The following EXOSC1 variants were observed in gnomAD, a reference collection of about 807,000 sequenced individuals.
EXOSC1 encodes the protein exosome complex component CSL4.
A neutral mutation model predicts 31.4 loss-of-function variants in EXOSC1; 27 were observed. The ratio of observed to expected loss-of-function variants is 0.86; its 90% CI spans 0.63 to 1.18. The LOEUF is 1.18. EXOSC1 is among the 50% of genes most tolerant of loss of function. EXOSC1 has a pLI of 0.00. For synonymous variants in EXOSC1, 84 were observed against 89.5 expected, an observed-to-expected ratio of 0.94 and a Z score of 0.35; for missense variants, 228 against 250.3, an observed-to-expected ratio of 0.91 and a Z score of 0.60.
chr10:97,445,426 G>C (rs1845912515), intron 2 of EXOSC1: 1 of 369,382 alleles, frequency 2.7e-6, no homozygotes, highest in Non-Finnish European at 5.0e-6. Context: ...GGAAAGGTAA[G>C]CAACATTCAT....
chr10:97,443,337 A>C, intron 2 of EXOSC1, 26 bp from the exon 3 acceptor site: 1 of 1,605,776 alleles, frequency 6.2e-7, no homozygotes, highest in Non-Finnish European at 8.5e-7. Flanking sequence ...CAAAAAACTG[A>C]AATGTCCTGA....
Position 97,440,867 on chromosome 10 carries a change from GTCTCAAACTCCTGA to G in EXOSC1, c.311+290_311+303del, listed in dbSNP as rs1589464845. ...GGGTTTCACCATGTTGGCTAGGCTG[GTCTCAAACTCCTGA>G]TCTCAAGAGATCCACCCGCCTCAGC... On this transcript the variant is annotated intron_variant, in intron 4 of 7. Transcript: ENST00000370902. 1.4e-5 allele frequency: 3 copies of G among 212,188 alleles called. No individual in the cohort carries two copies. In the East Asian group the frequency reaches 3.9e-4, roughly 27 times the overall value. 13.1% of individuals were successfully genotyped at this position (212,188 alleles called of 1,614,324 possible).
In EXOSC1 at chr10:97,436,268, CAA is replaced by C. The variant is rs1383332158; in HGVS notation, c.*175_*176del. 4.6e-5 allele frequency: 25 copies of C among 546,790 alleles called. No homozygotes were observed. Among genetic ancestry groups the C allele is most frequent in the African/African-American group, 3.6e-4 (18 of 50,070 alleles). The allele number at this position is 546,790 out of a possible 1,614,324, so 33.9% of individuals were successfully genotyped here. A position where few individuals can be genotyped will look rare whatever the true frequency, so the allele number is the denominator to read the frequency against. On this transcript the variant is annotated 3_prime_UTR_variant, in exon 8 of 8. Coordinates refer to ENST00000370902, the MANE Select transcript of EXOSC1 (RefSeq NM_016046.5). ...CCTTGAAAAGATAAGATTTATTACT[CAA>C]GAGAATGAAATCCACTGATAGGTTC... is the stretch of plus-strand genomic sequence containing the variant.
intron 3 of EXOSC1, 58 bp downstream of exon 3, chr10:97,443,179 T>C (rs903583070): frequency 1.4e-5 from 20 of 1,418,880 alleles, no homozygotes; most frequent in Non-Finnish European, 2.0e-5. Context: ...AGTTCTGGTA[T>C]GGTCATGATT....
In EXOSC1 at chr10:97,437,726, G is replaced by A; in HGVS notation, c.370C>T (p.Pro124Ser). Reference protein sequence around the residue: ...DKVEIYKSFRPGDIVLAKVIS... With the variant: ...DKVEIYKSFRSGDIVLAKVIS... ...ACTTTGGCCAAGACAATGTCACCTG[G>A]GCGGAAACTCTTATAAATTTCAACC... Residue 124 changes from proline (P) to serine (S), a missense_variant, in exon 6 of 8, where the codon CCA becomes TCA. Pro to Ser is a moderately conservative substitution (Grantham distance 74). Transcript: ENST00000370902. 2 of 1,613,376 alleles carry A rather than the reference G, an allele frequency of 1.2e-6. No individual in the cohort carries two copies. The highest frequency in any genetic ancestry group is 1.7e-6 in the Non-Finnish European group (2 of 1,179,556).
At chr10:97,440,452 G>C (rs972236146) in intron 4 of EXOSC1, among the ~76,000 whole-genome samples, 4 of 151,846 alleles carry the variant, frequency 2.6e-5, no homozygotes, top group Non-Finnish European at 5.9e-5. Context: ...AGGCTCAAGT[G>C]ATCTTCCTGC....
intron 3 of EXOSC1, among the ~76,000 whole-genome samples, chr10:97,442,837 C>T (rs1009323748): frequency 2.0e-5 from 3 of 152,090 alleles, no homozygotes; most frequent in Admixed American, 6.6e-5. Context: ...TGCACCACCA[C>T]GCTAAGCTAA....
chr10:97,438,457 T>C (rs1332153997), intron 5 of EXOSC1, among the ~76,000 whole-genome samples: 1 of 151,744 alleles, frequency 6.6e-6, no homozygotes, highest in African/African-American at 2.4e-5. Flanking sequence ...CTACCATGCC[T>C]GGCCAATTTT....
rs1845544019 is a variant in EXOSC1, at chr10:97,436,567, T to C, written c.482-16A>G. On this transcript the variant is annotated splice_polypyrimidine_tract_variant and intron_variant, in intron 7 of 7. Coordinates refer to ENST00000370902, the MANE Select transcript of EXOSC1 (RefSeq NM_016046.5). The stretch of plus-strand genomic sequence containing the variant: ...ATCTGGATACCTGGAAGGGAAAAGC[T>C]GGTGGTGGAGCCCAGACCCCAAAGA... The C allele has an allele frequency of 3.8e-6, 6 of 1,583,348 alleles. No homozygotes were observed. Among genetic ancestry groups the C allele is most frequent in the Non-Finnish European group, 5.1e-6 (6 of 1,170,574 alleles).
At chr10:97,443,448 G>C in intron 2 of EXOSC1, 137 bp from the exon 3 acceptor site, 1 of 712,484 alleles carries the variant, frequency 1.4e-6, no homozygotes, top group Admixed American at 2.9e-5. Flanking sequence ...GCCCAGAGCA[G>C]AAGGCCTTAG....
At chr10:97,437,421 G>C (rs147061936) in intron 6 of EXOSC1, 146 bp from the exon 7 acceptor site, 26 of 662,626 alleles carry the variant, frequency 3.9e-5, no homozygotes, top group Admixed American at 7.9e-5. Flanking sequence ...CGTGATATCA[G>C]TTCACAACCT....
At chr10:97,438,740 G>T (rs777713874) in intron 4 of EXOSC1, 37 bp from the exon 5 acceptor site, 7 of 1,377,940 alleles carry the variant, frequency 5.1e-6, no homozygotes, top group Non-Finnish European at 6.1e-6. Context: ...TTAATTACCT[G>T]TGAGAAAGAA....
intron 5 of EXOSC1, 102 bp downstream of exon 5, chr10:97,438,568 G>T: frequency 9.1e-7 from 1 of 1,095,422 alleles, no homozygotes; most frequent in African/African-American, 1.6e-5. Context: ...GCCTCCCAAA[G>T]TACTGGGATT....
chr10:97,441,987 G>C (rs1217429227), intron 3 of EXOSC1, among the ~76,000 whole-genome samples: 3 of 151,180 alleles, frequency 2.0e-5, no homozygotes, highest in Non-Finnish European at 4.4e-5. Context: ...GACCAGCCTG[G>C]CCAACATGGT....
At position 97,441,120 on chromosome 10, in the gene EXOSC1, T is replaced by C. The variant is rs1445551833; in HGVS notation, c.311+51A>G. On this transcript the variant is annotated intron_variant, in intron 4 of 7. Transcript: ENST00000370902. ...CTCAAAATTCTGGTGTCCTAGTCTA[T>C]CCTAATCTTATTCCAGTTGCTAAGG... 5 of 1,461,762 alleles carry C rather than the reference T, an allele frequency of 3.4e-6. No homozygotes were observed. The East Asian group carries it at 1.1e-4, about 33-fold the overall frequency. The allele number at this position is 1,461,762 out of a possible 1,614,324, so 90.5% of individuals were successfully genotyped here. A position where few individuals can be genotyped will look rare whatever the true frequency, so the allele number is the denominator to read the frequency against.
At position 97,442,873 on chromosome 10, in the gene EXOSC1, G is replaced by T. The variant is rs536484679; in HGVS notation, c.222+364C>A. 2.6e-5 allele frequency among the ~76,000 whole-genome samples: 4 copies of T among 152,220 alleles called. No individual in the cohort carries two copies. The South Asian group carries it at 8.3e-4, about 32-fold the overall frequency. On this transcript the variant is annotated intron_variant, in intron 3 of 7. Transcript: ENST00000370902. ...TTTTTGTATTTTTGGTAGAGACAGG[G>T]TTTCACCATGTTGGCCATGATTGGC...
intron 2 of EXOSC1, 29 bp downstream of exon 2, chr10:97,445,703 G>A (rs775871221): frequency 1.9e-5 from 30 of 1,606,232 alleles, no homozygotes; most frequent in Admixed American, 8.4e-5. Context: ...GGGAAAAACA[G>A]AGGGGAGATG....
At chr10:97,442,177 C>CAAAAA (rs56821235) in intron 3 of EXOSC1, among the ~76,000 whole-genome samples, 1 of 140,394 alleles carries the variant, frequency 7.1e-6, no homozygotes, top group African/African-American at 2.6e-5. Flanking sequence ...GGCCCTGTCT[C>CAAAAA]AAAAAAAAAA....
Position 97,445,839 on chromosome 10 carries a change from G to A in EXOSC1, c.40C>T (p.Leu14=), listed in dbSNP as rs1256615825. 2 of 1,613,844 alleles carry A rather than the reference G, an allele frequency of 1.2e-6. No homozygotes were observed. Among genetic ancestry groups the A allele is most frequent in the African/African-American group, 1.3e-5 (1 of 74,932 alleles). The change falls in exon 2 of 8, where the codon CTG becomes TTG. Residue 14 remains leucine, a synonymous_variant. Transcript: ENST00000370902. ...PVRYCIPGER[L]CNLEEGSPGS... is the part of the protein sequence containing the mutation. ...GGGCTGCCCTCCTCCAAGTTACACA[G>A]ACGTTCGCCTGCAGAAAAAATGCTG...
Sources: allele counts gnomAD v4.1 joint callset (sites outside exome capture counted in the v4.1 genomes callset), GRCh38; gene constraint gnomAD v4.1.1; transcripts MANE v1.5; gene names NCBI Gene and HGNC (gene_info 2026-07-23, HGNC 2026-07-21).